Variants in PDE1A observed in about 807,000 individuals in gnomAD.
PDE1A encodes the protein phosphodiesterase 1A, also known as dual specificity calcium/calmodulin-dependent 3',5'-cyclic nucleotide phosphodiesterase 1A.
PDE1A carries 35 observed loss-of-function variants against 61.7 expected under a neutral mutation model. The observed-to-expected ratio is 0.57, with a 90% CI of 0.43 to 0.75. The LOEUF (loss-of-function observed/expected upper bound fraction) is 0.75, where lower values mean the gene tolerates loss of function less well. Ranked by LOEUF, PDE1A falls within the 30% of genes least tolerant of loss-of-function variation. The pLI, the probability that PDE1A is intolerant of heterozygous loss-of-function variation, is 0.00. For synonymous variants in PDE1A, 232 were observed against 213.2 expected, an observed-to-expected ratio of 1.09 and a Z score of -0.77; for missense variants, 597 against 630.6, an observed-to-expected ratio of 0.95 and a Z score of 0.57.
intron 1 of PDE1A, among the ~76,000 whole-genome samples, chr2:182,331,625 A>G (rs1373363045): frequency 6.6e-6 from 1 of 152,212 alleles, no homozygotes; most frequent in Non-Finnish European, 1.5e-5. Context: ...TTGGCTGGAT[A>G]TGAAATTCTG....
In PDE1A at chr2:182,295,057, C is replaced by CTTTTTTTTTTTTTTTTTTT. The variant is rs11420821; in HGVS notation, c.54-30662_54-30644dup. On this transcript the variant is annotated intron_variant, in intron 1 of 13. Coordinates refer to ENST00000351439, the Ensembl canonical transcript of PDE1A. The stretch of plus-strand genomic sequence containing the variant: ...ACGACCAATCAAAATAAAAGGTAAT[C>CTTTTTTTTTTTTTTTTTTT]TTTTTTTTTTTTTTTTTTTTTTTTT... Among the ~76,000 whole-genome samples, 26 of 59,370 alleles carry CTTTTTTTTTTTTTTTTTTT rather than the reference C, an allele frequency of 4.4e-4. 7 individuals carry two copies. Among genetic ancestry groups the CTTTTTTTTTTTTTTTTTTT allele is most frequent in the East Asian group, 1.7e-3 (3 of 1,718 alleles). The allele number at this position is 59,370 out of a possible 152,430, so 38.9% of individuals were successfully genotyped here. A position where few individuals can be genotyped will look rare whatever the true frequency, so the allele number is the denominator to read the frequency against.
chr2:182,542,091 T>G, the PDE1A span, among the ~76,000 whole-genome samples: 1 of 152,196 alleles, frequency 6.6e-6, no homozygotes, highest in Non-Finnish European at 1.5e-5. Flanking sequence ...TTTAAAAATT[T>G]TATGTGATTA....
the PDE1A span, among the ~76,000 whole-genome samples, chr2:182,623,986 G>T: frequency 1.3e-5 from 2 of 151,792 alleles, no homozygotes; most frequent in South Asian, 4.2e-4. Context: ...TTAGCCGGGC[G>T]TAGTGGCGGG....
chr2:182,694,191 A>G, the PDE1A span, among the ~76,000 whole-genome samples: 2 of 152,180 alleles, frequency 1.3e-5, no homozygotes, highest in Non-Finnish European at 1.5e-5. Flanking sequence ...ATTCTTTACC[A>G]TGTGGATATC....
the PDE1A span, among the ~76,000 whole-genome samples, chr2:182,584,517 C>T: frequency 6.6e-6 from 1 of 152,158 alleles, no homozygotes; most frequent in African/African-American, 2.4e-5. Context: ...ATCACTTGGA[C>T]GTCATGCTGT....
At chr2:182,287,343 T>C (rs1361589843) in intron 1 of PDE1A, among the ~76,000 whole-genome samples, 1 of 152,170 alleles carries the variant, frequency 6.6e-6, no homozygotes, top group Non-Finnish European at 1.5e-5. Flanking sequence ...TTTAACATTC[T>C]ACATAAAACT....
chr2:182,358,413 T>G (rs1461847582), intron 1 of PDE1A, among the ~76,000 whole-genome samples: 4 of 152,168 alleles, frequency 2.6e-5, no homozygotes, highest in African/African-American at 7.2e-5. Flanking sequence ...TTTTGAAGTT[T>G]TGTCTAACCC....
At chr2:182,553,189 C>T in the PDE1A span, among the ~76,000 whole-genome samples, 2 of 152,176 alleles carry the variant, frequency 1.3e-5, no homozygotes, top group African/African-American at 4.8e-5. Context: ...ATCCGTGAGG[C>T]CAAGAACCCC....
At chr2:182,201,403 T>G in intron 10 of PDE1A, 36 bp downstream of exon 10, 1 of 1,610,632 alleles carries the variant, frequency 6.2e-7, no homozygotes, top group Non-Finnish European at 8.5e-7. Context: ...CAGTCACTAT[T>G]TCCAAAAACA....
chr2:182,607,863 G>A, the PDE1A span, among the ~76,000 whole-genome samples: 11 of 152,264 alleles, frequency 7.2e-5, no homozygotes, highest in African/African-American at 2.4e-4. Flanking sequence ...AAGGGAGAAG[G>A]CACATTGGGA....
At chr2:182,712,002 G>C in the PDE1A span, among the ~76,000 whole-genome samples, 2 of 152,160 alleles carry the variant, frequency 1.3e-5, no homozygotes, top group African/African-American at 4.8e-5. Context: ...CTATAATGAA[G>C]CCATCTAAGT....
chr2:182,268,718 C>T (rs1287484329), intron 1 of PDE1A, among the ~76,000 whole-genome samples: 1 of 152,072 alleles, frequency 6.6e-6, no homozygotes, highest in Non-Finnish European at 1.5e-5. Flanking sequence ...CATGTTCCTA[C>T]CATTTGTTAC....
intron 2 of PDE1A, among the ~76,000 whole-genome samples, chr2:182,249,372 G>A (rs1691223693): frequency 6.6e-6 from 1 of 152,164 alleles, no homozygotes; most frequent in African/African-American, 2.4e-5. Flanking sequence ...GGGAATTCCA[G>A]GGTCCTACAG....
chr2:182,556,877 A>G, the PDE1A span, among the ~76,000 whole-genome samples: 1 of 152,230 alleles, frequency 6.6e-6, no homozygotes, highest in South Asian at 2.1e-4. Context: ...TAGTACATGT[A>G]TATTGTTAAC....
At chr2:182,170,288 A>AT (rs949775907) in intron 13 of PDE1A, among the ~76,000 whole-genome samples, 1 of 151,870 alleles carries the variant, frequency 6.6e-6, no homozygotes. Flanking sequence ...GTTAGCTGTA[A>AT]TTTTTTTTGT....
At chr2:182,416,097 T>A (rs1702899519) in intron 1 of PDE1A, among the ~76,000 whole-genome samples, 1 of 152,194 alleles carries the variant, frequency 6.6e-6, no homozygotes, top group Non-Finnish European at 1.5e-5. Context: ...AATGGGGAGC[T>A]ATATGGTTTC....
the PDE1A span, among the ~76,000 whole-genome samples, chr2:182,679,526 G>T: frequency 6.6e-5 from 10 of 151,564 alleles, 1 homozygote; most frequent in Non-Finnish European, 1.2e-4. Flanking sequence ...TGATCATTAC[G>T]CATTGTATAC....
the PDE1A span, among the ~76,000 whole-genome samples, chr2:182,580,918 T>A: frequency 6.6e-6 from 1 of 152,172 alleles, no homozygotes; most frequent in South Asian, 2.1e-4. Flanking sequence ...AAAAAAATGA[T>A]CTCCCAGCTG....
chr2:182,605,890 C>T, the PDE1A span, among the ~76,000 whole-genome samples: 60,847 of 152,038 alleles, frequency 0.4, 13,669 homozygotes, highest in East Asian at 0.58. Flanking sequence ...CAATTAAACA[C>T]ACCTGCACAT....
Sources: gnomAD v4.1 joint callset for allele counts (sites outside exome capture counted in the v4.1 genomes callset) on GRCh38, gnomAD v4.1.1 for gene constraint, MANE v1.5 for transcripts, NCBI Gene and HGNC (gene_info 2026-07-23, HGNC 2026-07-21) for gene names.